Variants in CDH13 observed in about 807,000 individuals in gnomAD.
The protein encoded by CDH13 is cadherin-13.
A neutral mutation model predicts 63.8 loss-of-function variants in CDH13; 24 were observed. The ratio of observed to expected loss-of-function variants is 0.38; its 90% CI spans 0.27 to 0.53. The LOEUF (loss-of-function observed/expected upper bound fraction) is 0.53, where lower values mean the gene tolerates loss of function less well. CDH13 is among the 20% of genes least tolerant of loss of function. The pLI, the probability that CDH13 is intolerant of heterozygous loss-of-function variation, is 0.85. For synonymous variants in CDH13, 503 were observed against 355.3 expected, an observed-to-expected ratio of 1.42 and a Z score of -4.67; for missense variants, 1,049 against 903.1, an observed-to-expected ratio of 1.16 and a Z score of -2.07.
At chr16:83,290,753 A>C (rs1350952791) in intron 5 of CDH13, among the ~76,000 whole-genome samples, 2 of 152,128 alleles carry the variant, frequency 1.3e-5, no homozygotes, top group Non-Finnish European at 2.9e-5. Flanking sequence ...CTCGGGCTCC[A>C]AGGCCCTCGT....
At chr16:83,710,060 C>G (rs753933462) in intron 10 of CDH13, 2 of 152,212 alleles carry the variant, frequency 1.3e-5, no homozygotes, top group Non-Finnish European at 1.5e-5. Context: ...GTGTCTAGAA[C>G]ATTTCAGGGG....
intron 6 of CDH13, among the ~76,000 whole-genome samples, chr16:83,433,893 A>G (rs75953899): frequency 0.022 from 3,300 of 152,302 alleles, 136 homozygotes; most frequent in African/African-American, 0.075. Context: ...TCTTAATCTA[A>G]AAATATGAAT....
intron 6 of CDH13, among the ~76,000 whole-genome samples, chr16:83,421,850 T>C (rs1345306531): frequency 1.3e-5 from 2 of 152,226 alleles, no homozygotes; most frequent in Non-Finnish European, 2.9e-5. Context: ...ATTAGTTCTT[T>C]TGAATAAGCT....
Position 83,394,578 on chromosome 16 carries a change from G to A in CDH13, c.781+49572G>A, listed in dbSNP as rs143770970. ...GTGCAGGCGTAGTAAAGAACCCAGC[G>A]TTTACTCACAAGGAATGGTGAGCCG... On this transcript the variant is annotated intron_variant, in intron 6 of 13. Coordinates refer to ENST00000567109, the MANE Select transcript of CDH13 (RefSeq NM_001257.5). Among the ~76,000 whole-genome samples, 1,043 of 152,274 alleles carry A rather than the reference G, an allele frequency of 6.8e-3. 15 individuals carry two copies. Among genetic ancestry groups the A allele is most frequent in the African/African-American group, 0.024 (1,004 of 41,548 alleles).
intron 2 of CDH13, among the ~76,000 whole-genome samples, chr16:83,027,475 G>C (rs545001221): frequency 7.0e-4 from 107 of 152,298 alleles, no homozygotes; most frequent in African/African-American, 2.5e-3. Flanking sequence ...TATACACAAA[G>C]GGTGGGACAG....
intron 2 of CDH13, among the ~76,000 whole-genome samples, chr16:82,861,692 C>G (rs979955644): frequency 6.6e-6 from 1 of 152,220 alleles, no homozygotes; most frequent in African/African-American, 2.4e-5. Context: ...ATCTTTCTCT[C>G]AGTTGTTCTG....
intron 2 of CDH13, among the ~76,000 whole-genome samples, chr16:82,919,708 A>G (rs1324108692): frequency 6.6e-6 from 1 of 152,194 alleles, no homozygotes; most frequent in Non-Finnish European, 1.5e-5. Flanking sequence ...TGGAGAAGGT[A>G]AGTTCTGGAA....
chr16:83,280,737 G>T (rs139090417), intron 5 of CDH13, among the ~76,000 whole-genome samples: 1 of 152,314 alleles, frequency 6.6e-6, no homozygotes, highest in Non-Finnish European at 1.5e-5. Context: ...TCTTTTGAAA[G>T]TCAAAATTAC....
At chr16:83,365,071 A>G (rs1014642479) in intron 6 of CDH13, among the ~76,000 whole-genome samples, 1 of 152,202 alleles carries the variant, frequency 6.6e-6, no homozygotes, top group African/African-American at 2.4e-5. Flanking sequence ...CCAGAACTTA[A>G]AGTAAAATTT....
intron 6 of CDH13, among the ~76,000 whole-genome samples, chr16:83,438,086 A>G (rs2072369296): frequency 6.6e-6 from 1 of 152,144 alleles, no homozygotes; most frequent in South Asian, 2.1e-4. Context: ...TGATGATGCC[A>G]CTGTCCTGCT....
At chr16:82,922,319 T>A (rs1407629405) in intron 2 of CDH13, among the ~76,000 whole-genome samples, 1 of 152,172 alleles carries the variant, frequency 6.6e-6, no homozygotes. Flanking sequence ...CATAAGTAAC[T>A]AGGAAAGGTA....
At chr16:83,321,611 C>T (rs80170986) in intron 5 of CDH13, among the ~76,000 whole-genome samples, 12,057 of 148,642 alleles carry the variant, frequency 0.081, 570 homozygotes, top group Non-Finnish European at 0.11. Flanking sequence ...TCACTGCCAG[C>T]TCCACATCCT....
At chr16:83,276,787 C>T (rs572535208) in intron 5 of CDH13, among the ~76,000 whole-genome samples, 151 of 152,268 alleles carry the variant, frequency 9.9e-4, no homozygotes, top group Non-Finnish European at 1.7e-3. Context: ...AGAAGAATGG[C>T]ATGAACATGG....
chr16:83,623,649 A>G (rs985986419), intron 8 of CDH13, among the ~76,000 whole-genome samples: 1 of 152,192 alleles, frequency 6.6e-6, no homozygotes, highest in African/African-American at 2.4e-5. Context: ...CTGTAAATCC[A>G]TATATCAGAG....
intron 1 of CDH13, among the ~76,000 whole-genome samples, chr16:82,665,458 A>G (rs1156332954): frequency 1.3e-5 from 2 of 152,198 alleles, no homozygotes; most frequent in Non-Finnish European, 2.9e-5. Flanking sequence ...CTAACCCTGC[A>G]TTTCTACTAG....
intron 2 of CDH13, among the ~76,000 whole-genome samples, chr16:82,971,174 T>G (rs991184160): frequency 6.6e-5 from 10 of 152,316 alleles, no homozygotes; most frequent in Admixed American, 1.3e-4. Flanking sequence ...ATGCGATGAC[T>G]CTAAGGCTTA....
At chr16:82,842,428 G>T (rs999306228) in intron 1 of CDH13, among the ~76,000 whole-genome samples, 2 of 151,636 alleles carry the variant, frequency 1.3e-5, no homozygotes, top group Non-Finnish European at 2.9e-5. Context: ...TCTTCACACT[G>T]TACCACTCTT....
intron 6 of CDH13, among the ~76,000 whole-genome samples, chr16:83,438,204 A>C (rs7196353): frequency 0.063 from 9,600 of 152,270 alleles, 340 homozygotes; most frequent in African/African-American, 0.073. Flanking sequence ...CTGCAAAGCT[A>C]TTCTGGAGTC....
At chr16:83,323,752 T>G (rs1305404889) in intron 5 of CDH13, among the ~76,000 whole-genome samples, 1 of 152,202 alleles carries the variant, frequency 6.6e-6, no homozygotes, top group Non-Finnish European at 1.5e-5. Flanking sequence ...GCCATCACAC[T>G]CTCCCTGCAC....
Sources: allele counts gnomAD v4.1 joint callset (sites outside exome capture counted in the v4.1 genomes callset), GRCh38; gene constraint gnomAD v4.1.1; transcripts MANE v1.5; gene names NCBI Gene and HGNC (gene_info 2026-07-23, HGNC 2026-07-21).